SNX29: variants seen among roughly 807,000 people sequenced by gnomAD.
SNX29 encodes sorting nexin-29.
A neutral mutation model predicts 102.1 loss-of-function variants in SNX29; 78 were observed. That is an observed-to-expected ratio of 0.76 (90% confidence interval 0.64 to 0.92). The LOEUF is 0.92. Among genes scored for constraint, SNX29 ranks in the 40% least tolerant of loss-of-function variants. SNX29 has a pLI of 0.00. For synonymous variants in SNX29, 580 were observed against 414.5 expected (o/e 1.40, Z -4.85); for missense variants, 1,280 against 1,061.7 (o/e 1.21, Z -2.86).
intron 19 of SNX29, among the ~76,000 whole-genome samples, chr16:12,512,476 C>T (rs186966911): frequency 2.8e-5 from 4 of 142,246 alleles, no homozygotes; most frequent in South Asian, 2.3e-4. Context: ...TGCAGTGGTG[C>T]GATCTCAGCT....
rs564737850 is a variant in SNX29 at position 12,193,780 on chromosome 16, C to T, written c.1596-5821C>T. ...CCTTTCTCCAGAAGCGCCTTCCTAC[C>T]TTCGTCACATTGCTTGATTGTGTGT... On this transcript the variant is annotated intron_variant, in intron 13 of 20. Transcript: ENST00000566228. Among the ~76,000 whole-genome samples the T allele has an allele frequency of 5.3e-5, 8 of 152,256 alleles. 1 individual carries two copies. In the South Asian group the frequency reaches 1.7e-3, roughly 32 times the overall value.
intron 20 of SNX29, among the ~76,000 whole-genome samples, chr16:12,564,118 G>C (rs1465736970): frequency 3.3e-5 from 5 of 152,138 alleles, no homozygotes; most frequent in Non-Finnish European, 7.4e-5. Flanking sequence ...ATTGGGTGTG[G>C]TGGATCGTGC....
intron 15 of SNX29, among the ~76,000 whole-genome samples, chr16:12,332,995 G>T (rs1323959909): frequency 6.6e-6 from 1 of 152,158 alleles, no homozygotes; most frequent in South Asian, 2.1e-4. Context: ...ATTTCAGAGG[G>T]GAGGAAATGG....
chr16:12,114,839 G>A (rs980250516), intron 11 of SNX29, among the ~76,000 whole-genome samples: 1 of 152,064 alleles, frequency 6.6e-6, no homozygotes, highest in Non-Finnish European at 1.5e-5. Context: ...GTAATTTAGG[G>A]CAAATCACTT....
intron 13 of SNX29, among the ~76,000 whole-genome samples, chr16:12,138,685 T>C (rs574794620): frequency 1.3e-5 from 2 of 152,256 alleles, no homozygotes; most frequent in African/African-American, 4.8e-5. Context: ...ACATTTGCTT[T>C]GTTACCTGAT....
At chr16:12,395,680 G>C (rs1217359678) in intron 16 of SNX29, among the ~76,000 whole-genome samples, 1 of 152,196 alleles carries the variant, frequency 6.6e-6, no homozygotes, top group Non-Finnish European at 1.5e-5. Flanking sequence ...CTGCATCCCA[G>C]GGATGTGTTC....
At chr16:12,005,021 G>A (rs2056408961) in intron 3 of SNX29, among the ~76,000 whole-genome samples, 1 of 152,218 alleles carries the variant, frequency 6.6e-6, no homozygotes, top group Non-Finnish European at 1.5e-5. Flanking sequence ...ATGAGCGTGT[G>A]TATCACATTG....
rs1354958659 is a variant in SNX29, at chr16:12,572,858, T to C, written c.*4229T>C. The C allele has an allele frequency of 1.9e-6, 2 of 1,063,332 alleles. No individual in the cohort carries two copies. The highest frequency in any genetic ancestry group is 2.3e-6 in the Non-Finnish European group (2 of 877,972). The allele number at this position is 1,063,332 out of a possible 1,614,324, so 65.9% of individuals were successfully genotyped here. On this transcript the variant is annotated 3_prime_UTR_variant, in exon 21 of 21. Transcript: ENST00000566228. ...CAGCCTCATGCCCAGGTTTCAGCCC[T>C]AAAGGTAATGATTGTCTTGACTCTG...
chr16:12,552,266 C>T (rs1414596674), intron 20 of SNX29, among the ~76,000 whole-genome samples: 3 of 152,156 alleles, frequency 2.0e-5, no homozygotes, highest in South Asian at 2.1e-4. Context: ...GGCTCGTAAG[C>T]CCTGGCCAGT....
At chr16:12,439,794 C>G (rs544558452) in intron 18 of SNX29, among the ~76,000 whole-genome samples, 8 of 152,310 alleles carry the variant, frequency 5.3e-5, no homozygotes, top group African/African-American at 1.9e-4. Context: ...ACTCAGTTTC[C>G]CACTTTTCTG....
chr16:12,293,643 G>C (rs764643551), intron 15 of SNX29, among the ~76,000 whole-genome samples: 8 of 152,098 alleles, frequency 5.3e-5, no homozygotes, highest in Non-Finnish European at 1.0e-4. Context: ...TCAACTAATA[G>C]CGTGCTTTCA....
chr16:12,048,262 A>G (rs1436108086), intron 6 of SNX29, 110 bp from the exon 7 acceptor site: 38 of 1,510,282 alleles, frequency 2.5e-5, no homozygotes, highest in Non-Finnish European at 3.4e-5. Context: ...TACCTATTTA[A>G]GATCAACGTG....
intron 18 of SNX29, chr16:12,442,918 G>T: frequency 6.9e-6 from 3 of 432,196 alleles, no homozygotes; most frequent in Non-Finnish European, 9.3e-6. Flanking sequence ...TTTTTTTTCT[G>T]GTTTGACACT....
chr16:11,976,760 G>A lies in SNX29; in HGVS notation c.-47G>A. On this transcript the variant is annotated 5_prime_UTR_variant, in exon 1 of 21. Transcript: ENST00000566228. ...TCTGGAGCTCGGCAGCCGCAGAAGCGGCAGCGGCGGCGGCGCGGCGCAGGC... is the reference window on the plus strand; with the variant it reads ...TCTGGAGCTCGGCAGCCGCAGAAGCAGCAGCGGCGGCGGCGCGGCGCAGGC... The A allele has an allele frequency of 3.1e-6, 4 of 1,284,162 alleles. No individual in the cohort carries two copies. The highest frequency in any genetic ancestry group is 4.0e-6 in the Non-Finnish European group (4 of 1,005,734). The allele number at this position is 1,284,162 out of a possible 1,614,324, so 79.5% of individuals were successfully genotyped here. A position where few individuals can be genotyped will look rare whatever the true frequency, so the allele number is the denominator to read the frequency against.
At chr16:12,324,375 C>T (rs2081051408) in intron 15 of SNX29, among the ~76,000 whole-genome samples, 1 of 151,978 alleles carries the variant, frequency 6.6e-6, no homozygotes, top group African/African-American at 2.4e-5. Flanking sequence ...GACCTTTCTC[C>T]TCTCCAGCTG....
At chr16:12,291,862 A>G (rs1362149398) in intron 15 of SNX29, among the ~76,000 whole-genome samples, 1 of 152,214 alleles carries the variant, frequency 6.6e-6, no homozygotes, top group African/African-American at 2.4e-5. Flanking sequence ...TGCTCAGTGC[A>G]TGAATGAATG....
At chr16:12,333,857 T>C (rs986821501) in intron 15 of SNX29, among the ~76,000 whole-genome samples, 6 of 152,158 alleles carry the variant, frequency 3.9e-5, no homozygotes, top group Admixed American at 1.3e-4. Context: ...ATTCCAGTTA[T>C]TCTCAGAGAC....
chr16:12,503,686 C>G (rs2089234740), intron 19 of SNX29, among the ~76,000 whole-genome samples: 1 of 152,184 alleles, frequency 6.6e-6, no homozygotes, highest in Non-Finnish European at 1.5e-5. Context: ...TTCCCTCCTT[C>G]CCTCTCTCCG....
intron 15 of SNX29, among the ~76,000 whole-genome samples, chr16:12,293,772 GC>G (rs1435067411): frequency 1.3e-5 from 2 of 152,118 alleles, no homozygotes; most frequent in Non-Finnish European, 2.9e-5. Context: ...TTAATTTTGA[GC>G]CATTCTGTTC....
Sources: allele counts gnomAD v4.1 joint callset (sites outside exome capture counted in the v4.1 genomes callset), GRCh38; gene constraint gnomAD v4.1.1; transcripts MANE v1.5; gene names NCBI Gene and HGNC (gene_info 2026-07-23, HGNC 2026-07-21).